Variants in HHLA2 observed in about 807,000 individuals in gnomAD.
The protein encoded by HHLA2 is HERV-H LTR-associating protein 2.
HHLA2 carries 48 observed loss-of-function variants against 45.9 expected under a neutral mutation model. The observed-to-expected ratio is 1.05, with a 90% CI of 0.83 to 1.33. The LOEUF (loss-of-function observed/expected upper bound fraction) is 1.33, where lower values mean the gene tolerates loss of function less well. HHLA2 is among the 40% of genes most tolerant of loss of function. The pLI is 0.00. For synonymous variants in HHLA2, 161 were observed against 173.9 expected, an observed-to-expected ratio of 0.93 and a Z score of 0.59; for missense variants, 462 against 494.3, an observed-to-expected ratio of 0.93 and a Z score of 0.62.
At chr3:108,370,054 G>C (rs1034451011) in intron 8 of HHLA2, among the ~76,000 whole-genome samples, 1 of 152,200 alleles carries the variant, frequency 6.6e-6, no homozygotes, top group Non-Finnish European at 1.5e-5. Context: ...TAACTGGGGG[G>C]AACCCCCAGT....
At chr3:108,324,543 C>T (rs2081256907) in intron 2 of HHLA2, among the ~76,000 whole-genome samples, 1 of 152,218 alleles carries the variant, frequency 6.6e-6, no homozygotes, top group African/African-American at 2.4e-5. Context: ...TTTCACAAGG[C>T]TCCTTCATGT....
intron 3 of HHLA2, among the ~76,000 whole-genome samples, chr3:108,351,203 C>A (rs1033814989): frequency 6.6e-6 from 1 of 152,002 alleles, no homozygotes; most frequent in African/African-American, 2.4e-5. Flanking sequence ...GCTTTGTAAC[C>A]CATGAATTTA....
chr3:108,326,132 A>G (rs565513390), intron 2 of HHLA2: 33 of 247,134 alleles, frequency 1.3e-4, no homozygotes, highest in African/African-American at 5.6e-4. Flanking sequence ...TGCCACTACA[A>G]TCTTTTTCAC....
At chr3:108,351,246 A>T (rs1441498231) in intron 3 of HHLA2, among the ~76,000 whole-genome samples, 1 of 152,232 alleles carries the variant, frequency 6.6e-6, no homozygotes, top group African/African-American at 2.4e-5. Flanking sequence ...ATGTAAAAAT[A>T]TATTTTCAGG....
chr3:108,342,033 A>G (rs2107421871), intron 3 of HHLA2, among the ~76,000 whole-genome samples: 1 of 152,088 alleles, frequency 6.6e-6, no homozygotes, highest in Admixed American at 6.5e-5. Flanking sequence ...TGCTCATCTC[A>G]TTTACCTTTC....
chr3:108,345,397 A>G (rs2081643625), intron 3 of HHLA2, among the ~76,000 whole-genome samples: 1 of 152,260 alleles, frequency 6.6e-6, no homozygotes, highest in Non-Finnish European at 1.5e-5. Flanking sequence ...AAGCAGTAAA[A>G]GGGGATCTTT....
intron 2 of HHLA2, among the ~76,000 whole-genome samples, chr3:108,318,217 G>T (rs13059907): frequency 6.6e-6 from 1 of 151,614 alleles, no homozygotes; most frequent in African/African-American, 2.4e-5. Context: ...AGCTTTGACT[G>T]TAGCCAATTT....
intron 8 of HHLA2, among the ~76,000 whole-genome samples, chr3:108,374,505 T>C (rs1400159539): frequency 6.7e-6 from 1 of 149,838 alleles, no homozygotes; most frequent in African/African-American, 2.4e-5. Flanking sequence ...AAAGAGCTTC[T>C]GCACAGCAAA....
At chr3:108,321,487 G>A (rs570426772) in intron 2 of HHLA2, among the ~76,000 whole-genome samples, 4 of 152,180 alleles carry the variant, frequency 2.6e-5, no homozygotes, top group Middle Eastern at 3.4e-3. Flanking sequence ...ATGTGGTTGC[G>A]TTTTCTTTTT....
intron 1 of HHLA2, among the ~76,000 whole-genome samples, chr3:108,299,346 T>C (rs1382208295): frequency 6.7e-6 from 1 of 149,062 alleles, no homozygotes; most frequent in Non-Finnish European, 1.5e-5. Flanking sequence ...TATAATCATA[T>C]AACTATTATA....
At chr3:108,314,359 T>G (rs1241673335) in intron 2 of HHLA2, among the ~76,000 whole-genome samples, 1 of 150,430 alleles carries the variant, frequency 6.6e-6, no homozygotes, top group African/African-American at 2.4e-5. Context: ...AAAAAAAAAT[T>G]CCTACTCCTA....
chr3:108,364,547 C>T (rs564335143), intron 8 of HHLA2, among the ~76,000 whole-genome samples: 50 of 152,216 alleles, frequency 3.3e-4, no homozygotes, highest in Middle Eastern at 6.8e-3. Context: ...TGTCTGGTTC[C>T]AGATCCTTGA....
At chr3:108,333,509 T>C (rs1032137837) in intron 3 of HHLA2, among the ~76,000 whole-genome samples, 1 of 150,640 alleles carries the variant, frequency 6.6e-6, no homozygotes, top group Admixed American at 6.7e-5. Context: ...TTTATCTGAA[T>C]TCAAATTCAA....
rs1198848913 is a variant in HHLA2 at position 108,340,908 on chromosome 3, TTTCCTTCCTTCC to T, written c.-26-10849_-26-10838del. Among the ~76,000 whole-genome samples, 2 of 59,450 alleles carry T rather than the reference TTTCCTTCCTTCC, an allele frequency of 3.4e-5. 1 individual carries two copies. Among genetic ancestry groups the T allele is most frequent in the Admixed American group, 2.6e-4 (2 of 7,806 alleles). The allele number at this position is 59,450 out of a possible 152,430, so 39.0% of individuals were successfully genotyped here. ...CCAAACTCTTTTCTTTTTTTTTTTT[TTTCCTTCCTTCC>T]TTCCTTCCTTCCTTCCTTCCTTCCT... is the stretch of plus-strand genomic sequence containing the variant. On this transcript the variant is annotated intron_variant, in intron 3 of 10. Coordinates refer to ENST00000619531, the Ensembl canonical transcript of HHLA2.
chr3:108,376,406 TA>T lies in HHLA2; in HGVS notation c.1160-85del, dbSNP rs1214937585. The T allele has an allele frequency of 5.1e-6, 5 of 987,414 alleles. No individual in the cohort carries two copies. In the East Asian group the frequency reaches 7.9e-5, roughly 16 times the overall value. 61.2% of individuals were successfully genotyped at this position (987,414 alleles called of 1,614,324 possible). On this transcript the variant is annotated intron_variant, in intron 9 of 10. Coordinates refer to ENST00000619531, the Ensembl canonical transcript of HHLA2. The stretch of plus-strand genomic sequence containing the variant: ...GGGAGAGTAACTCAGATGATTCTAA[TA>T]ACATGATTATATTGAGATAGGACTA...
At chr3:108,351,557 G>T (rs1412447180) in intron 3 of HHLA2, among the ~76,000 whole-genome samples, 1 of 152,110 alleles carries the variant, frequency 6.6e-6, no homozygotes, top group Admixed American at 6.6e-5. Flanking sequence ...AGTATCCTAT[G>T]ATCAGAAATG....
chr3:108,374,158 C>T (rs1261609488), intron 8 of HHLA2, among the ~76,000 whole-genome samples: 3 of 150,754 alleles, frequency 2.0e-5, no homozygotes, highest in Admixed American at 6.6e-5. Flanking sequence ...AGAACAGAGC[C>T]CTCAGAAATA....
At position 108,374,781 on chromosome 3, in the gene HHLA2, T is replaced by TA. The variant is rs1409672176; in HGVS notation, c.1109-968dup. 6.2e-3 allele frequency among the ~76,000 whole-genome samples: 891 copies of TA among 143,012 alleles called. 3 individuals are homozygous for TA. The highest frequency in any genetic ancestry group is 0.021 in the African/African-American group (825 of 38,678). The allele number at this position is 143,012 out of a possible 152,430, so 93.8% of individuals were successfully genotyped here. A position where few individuals can be genotyped will look rare whatever the true frequency, so the allele number is the denominator to read the frequency against. ...AATGCAAATCAAAACCACAATGAGA[T>TA]ACCATCTCACACCAGTTAGAATGGC... On this transcript the variant is annotated intron_variant, in intron 8 of 10. Coordinates refer to ENST00000619531, the Ensembl canonical transcript of HHLA2.
At chr3:108,364,226 G>A (rs2082026504) in intron 8 of HHLA2, among the ~76,000 whole-genome samples, 1 of 152,114 alleles carries the variant, frequency 6.6e-6, no homozygotes, top group African/African-American at 2.4e-5. Context: ...TCCCACCTAT[G>A]AGTGAGAATA....
Sources: allele counts gnomAD v4.1 joint callset (sites outside exome capture counted in the v4.1 genomes callset), GRCh38; gene constraint gnomAD v4.1.1; transcripts MANE v1.5; gene names NCBI Gene and HGNC (gene_info 2026-07-23, HGNC 2026-07-21).